COL18A1: variants seen among roughly 807,000 people sequenced by gnomAD.
The protein encoded by COL18A1 is collagen alpha-1(XVIII) chain.
In COL18A1, 133 loss-of-function variants were observed where a neutral mutation model predicts 168.0. The observed-to-expected ratio is 0.79, with a 90% CI of 0.69 to 0.91. COL18A1 has a LOEUF of 0.91. Ranked by LOEUF, COL18A1 falls within the 40% of genes least tolerant of loss-of-function variation. The probability of loss-of-function intolerance (pLI) is 0.00; values close to 1 mark genes in which losing one functional copy is unlikely to be tolerated. For synonymous variants in COL18A1, 949 were observed against 809.0 expected, an observed-to-expected ratio of 1.17 and a Z score of -2.94; for missense variants, 2,126 against 1,925.4, an observed-to-expected ratio of 1.10 and a Z score of -1.95.
intron 15 of COL18A1, among the ~76,000 whole-genome samples, chr21:45,483,760 A>G (rs968157290): frequency 3.3e-5 from 5 of 152,300 alleles, no homozygotes; most frequent in South Asian, 4.1e-4. Flanking sequence ...GAGGGAAGGA[A>G]GGCCAGTGGG....
At chr21:45,505,008 G>A (rs1274276597) in intron 34 of COL18A1, 126 bp from the exon 35 acceptor site, 2 of 1,226,162 alleles carry the variant, frequency 1.6e-6, no homozygotes, top group East Asian at 2.5e-5. Flanking sequence ...CGTGGGCAGG[G>A]AGGGGACCGG....
chr21:45,440,050 G>A (rs2034327472), intron 2 of COL18A1, among the ~76,000 whole-genome samples: 1 of 152,258 alleles, frequency 6.6e-6, no homozygotes, highest in African/African-American at 2.4e-5. Flanking sequence ...CAGGCCGTGG[G>A]CCGCATGGGC....
chr21:45,484,068 T>C (rs36182034), intron 15 of COL18A1, among the ~76,000 whole-genome samples: 10,050 of 37,332 alleles, frequency 0.27, 2,633 homozygotes, highest in African/African-American at 0.52. Flanking sequence ...ACACACACAC[T>C]TCTCCAGCAT....
chr21:45,494,257 C>CACCCTCT, intron 26 of COL18A1: 1 of 501,476 alleles, frequency 2.0e-6, no homozygotes, highest in Non-Finnish European at 3.6e-6. Flanking sequence ...CTCCACCCTC[C>CACCCTCT]ACCCTCCACC....
At chr21:45,470,215 G>C (rs1415556663) in intron 3 of COL18A1, among the ~76,000 whole-genome samples, 1 of 139,852 alleles carries the variant, frequency 7.2e-6, no homozygotes, top group Non-Finnish European at 1.5e-5. Context: ...TGCATTTCTT[G>C]GACTGTGAAG....
intron 5 of COL18A1, 100 bp downstream of exon 5, chr21:45,475,635 A>G: frequency 9.8e-7 from 1 of 1,024,792 alleles, no homozygotes; most frequent in East Asian, 2.6e-5. Flanking sequence ...TGGCTCCAAG[A>G]GCTCCCTCTA....
Position 45,455,720 on chromosome 21 carries a change from G to A in COL18A1, c.107-12522G>A, listed in dbSNP as rs373586271. 2.2e-5 allele frequency: 35 copies of A among 1,613,792 alleles called. No homozygotes were observed. The highest frequency in any genetic ancestry group is 5.3e-5 in the African/African-American group (4 of 74,920). On this transcript the variant is annotated intron_variant, in intron 2 of 41. Transcript: ENST00000651438. ...GCCCACAGCAGATACCACCACACAC[G>A]TGACCCCCCGGAATGGTTCCACAGA...
At chr21:45,479,830 G>T in intron 9 of COL18A1, 72 bp from the exon 10 acceptor site, 4 of 1,593,662 alleles carry the variant, frequency 2.5e-6, no homozygotes, top group Non-Finnish European at 3.4e-6. Context: ...CTTGGGGGAG[G>T]AGCACTGAGA....
At chr21:45,505,699 TG>T in intron 36 of COL18A1, 138 bp from the exon 37 acceptor site, 2 of 743,912 alleles carry the variant, frequency 2.7e-6, no homozygotes, top group Non-Finnish European at 4.6e-6. Flanking sequence ...ATGGTGCTCA[TG>T]GGGGCAGCCG....
intron 40 of COL18A1, 93 bp downstream of exon 40, chr21:45,510,354 T>C: frequency 7.3e-7 from 1 of 1,363,412 alleles, no homozygotes; most frequent in Non-Finnish European, 1.0e-6. Flanking sequence ...CTAGGGCCTC[T>C]GGAGGCCACC....
intron 32 of COL18A1, among the ~76,000 whole-genome samples, chr21:45,501,796 ACCTCTCTCTGC>A (rs2036856791): frequency 2.2e-5 from 1 of 46,330 alleles, no homozygotes; most frequent in Non-Finnish European, 5.0e-5. Flanking sequence ...ACAGCCGGTC[ACCTCTCTCTGC>A]AGAAGGACCC....
At position 45,471,021 on chromosome 21, in the gene COL18A1, C is replaced by T. The variant is rs1425784142; in HGVS notation, c.651+2235C>T. ...GCTGCTGGGCCTGGGTGGCGTGCTA[C>T]GGGCTTGTGCTGCTGGGTGTGGGTG... On this transcript the variant is annotated intron_variant, in intron 3 of 41. Coordinates refer to ENST00000651438, the MANE Select transcript of COL18A1 (RefSeq NM_001379500.1). The surrounding 1 kb of genome is among the most constrained non-coding windows in gnomAD (Gnocchi z 4.4). Among the ~76,000 whole-genome samples, 4 of 135,540 alleles carry T rather than the reference C, an allele frequency of 3.0e-5. No homozygotes were observed. The highest frequency in any genetic ancestry group is 9.7e-5 in the African/African-American group (3 of 30,996). 88.9% of individuals were successfully genotyped at this position (135,540 alleles called of 152,430 possible).
intron 29 of COL18A1, chr21:45,495,970 ATGCATACACACC>A: frequency 3.0e-6 from 1 of 334,922 alleles, no homozygotes; most frequent in South Asian, 2.4e-5. Context: ...ACATATACAC[ATGCATACACACC>A]AATACACATA....
intron 2 of COL18A1, chr21:45,421,294 G>C (rs2033614942): frequency 2.5e-6 from 1 of 407,032 alleles, no homozygotes; most frequent in Admixed American, 2.9e-5. Flanking sequence ...TGGTGCGGCT[G>C]GACATGGGAG....
rs748832960 is a variant in COL18A1 at position 45,491,225 on chromosome 21, G to A, written c.2068G>A (p.Gly690Arg). Residue 690 changes from glycine to arginine, a missense_variant and splice_region_variant, in exon 22 of 42, where the codon GGA (glycine) becomes AGA (arginine). By Grantham distance (125) the Gly-to-Arg change is moderately radical. Coordinates refer to ENST00000651438, the MANE Select transcript of COL18A1 (RefSeq NM_001379500.1). ...KGDRGSRGEK[G>R]DPGKDGVGQP... ...CCGGACGCGTGGCCTCCTCTTCCAG[G>A]GAGATCCAGGGAAGGACGGAGTCGG... 1.9e-6 allele frequency: 3 copies of A among 1,611,784 alleles called. No individual in the cohort carries two copies. Among genetic ancestry groups the A allele is most frequent in the South Asian group, 2.2e-5 (2 of 91,072 alleles).
rs1568931395 is a variant in COL18A1, at chr21:45,498,490, C to A, written c.2683+829C>A. On this transcript the variant is annotated intron_variant, in intron 32 of 41. Coordinates refer to ENST00000651438, the MANE Select transcript of COL18A1 (RefSeq NM_001379500.1). This position sits in a 1 kb window ranked among gnomAD's most constrained non-coding sequence, Gnocchi z 4.5. ...CGGTCCCCGCTCGCCGCCAGGGTCC[C>A]CTCTCGCTGCCAGGGTCCTCTGCAG... is the stretch of plus-strand genomic sequence containing the variant. The A allele has an allele frequency of 5.6e-6, 4 of 715,262 alleles. No homozygotes were observed. The highest frequency in any genetic ancestry group is 1.0e-5 in the Non-Finnish European group (4 of 384,778). 44.3% of individuals were successfully genotyped at this position (715,262 alleles called of 1,614,324 possible). A position where few individuals can be genotyped will look rare whatever the true frequency, so the allele number is the denominator to read the frequency against.
In COL18A1 at chr21:45,416,615, G is replaced by A. The variant is rs112495683; in HGVS notation, c.106+11142G>A. Among the ~76,000 whole-genome samples the A allele has an allele frequency of 4.5e-3, 690 of 152,170 alleles. 3 individuals carry two copies. The highest frequency in any genetic ancestry group is 0.016 in the African/African-American group (643 of 41,482). Reference sequence around the variant, plus strand: ...AGTGTGCTCTCCTGGACCGCGGTCCGTCCTCTGTGACCTGGTCACCCGGCA... The same window carrying A: ...AGTGTGCTCTCCTGGACCGCGGTCCATCCTCTGTGACCTGGTCACCCGGCA... On this transcript the variant is annotated intron_variant, in intron 2 of 41. Coordinates refer to ENST00000651438, the MANE Select transcript of COL18A1 (RefSeq NM_001379500.1).
intron 2 of COL18A1, among the ~76,000 whole-genome samples, chr21:45,416,679 A>G (rs1253217151): frequency 6.6e-6 from 1 of 152,114 alleles, no homozygotes; most frequent in Admixed American, 6.5e-5. Flanking sequence ...GGTGCTAAAT[A>G]TTAGTCAGAT....
rs766343686 is a variant in COL18A1, at chr21:45,456,494, C to T, written c.107-11748C>T. On this transcript the variant is annotated intron_variant, in intron 2 of 41. Transcript: ENST00000651438. ...GCCGGGTCTTGCTAATAACTCTGCCCTGCTCGGGGCTGACCCCGAGGCCCC... is the reference window on the plus strand; with the variant it reads ...GCCGGGTCTTGCTAATAACTCTGCCTTGCTCGGGGCTGACCCCGAGGCCCC... 6.5e-6 allele frequency: 10 copies of T among 1,547,992 alleles called. No homozygotes were observed. The South Asian group carries it at 9.5e-5, about 15-fold the overall frequency.
Sources: allele counts gnomAD v4.1 joint callset (sites outside exome capture counted in the v4.1 genomes callset), GRCh38; gene constraint gnomAD v4.1.1; non-coding constraint Gnocchi (gnomAD v3.1); transcripts MANE v1.5; gene names NCBI Gene and HGNC (gene_info 2026-07-23, HGNC 2026-07-21).